The following TMPRSS12 variants were observed in gnomAD, a reference collection of about 807,000 sequenced individuals.
TMPRSS12 encodes the protein transmembrane protease serine 12.
A neutral mutation model predicts 26.0 loss-of-function variants in TMPRSS12; 25 were observed. The observed-to-expected ratio is 0.96, with a 90% CI of 0.70 to 1.34. The LOEUF is 1.34. TMPRSS12 is among the 40% of genes most tolerant of loss of function. TMPRSS12 has a pLI of 0.00. For synonymous variants in TMPRSS12, 150 were observed against 161.7 expected, an observed-to-expected ratio of 0.93 and a Z score of 0.55; for missense variants, 441 against 440.1, an observed-to-expected ratio of 1.00 and a Z score of -0.02.
At position 50,887,359 on chromosome 12, in the gene TMPRSS12, G is replaced by A; in HGVS notation, c.893G>A (p.Gly298Asp). The A allele has an allele frequency of 1.2e-6, 2 of 1,613,908 alleles. No individual in the cohort carries two copies. Among genetic ancestry groups the A allele is most frequent in the Non-Finnish European group, 1.7e-6 (2 of 1,179,864 alleles). Residue 298 changes from glycine to aspartate, a missense_variant, in exon 5 of 5, where the codon GGT becomes GAT. Physicochemically the swap from Gly to Asp is moderately conservative, Grantham distance 94 (BLOSUM62 -1). Transcript: ENST00000398458. ...TSYGHGCGRRGFPGVYIGPSF... is the reference protein window; with the variant it reads ...TSYGHGCGRRDFPGVYIGPSF... Reference sequence around the variant, plus strand: ...TACGGACATGGCTGTGGTCGAAGAGGTTTTCCTGGTGTCTATATTGGGCCA... The same window carrying A: ...TACGGACATGGCTGTGGTCGAAGAGATTTTCCTGGTGTCTATATTGGGCCA...
chr12:50,847,619 G>A (rs1014140023), intron 2 of TMPRSS12, among the ~76,000 whole-genome samples: 2 of 152,056 alleles, frequency 1.3e-5, no homozygotes, highest in Non-Finnish European at 2.9e-5. Flanking sequence ...GAACCTGCTG[G>A]GTGTGGTGGC....
intron 2 of TMPRSS12, among the ~76,000 whole-genome samples, chr12:50,854,753 C>G (rs1002378170): frequency 1.3e-5 from 2 of 152,090 alleles, no homozygotes; most frequent in Non-Finnish European, 2.9e-5. Flanking sequence ...ATACATCTAA[C>G]CAGGGATGTG....
At chr12:50,846,787 C>G (rs1173774706) in intron 2 of TMPRSS12, among the ~76,000 whole-genome samples, 3 of 151,842 alleles carry the variant, frequency 2.0e-5, no homozygotes, top group African/African-American at 7.3e-5. Context: ...ACTATGTTGC[C>G]CAGGCTGGTC....
chr12:50,846,474 C>T (rs1028117042), intron 2 of TMPRSS12, among the ~76,000 whole-genome samples: 1 of 151,976 alleles, frequency 6.6e-6, no homozygotes, highest in Non-Finnish European at 1.5e-5. Context: ...TTTCTGGGCT[C>T]TCAATTCTTC....
At chr12:50,844,194 TTTATTA>T (rs140958977) in intron 2 of TMPRSS12, among the ~76,000 whole-genome samples, 157 bp downstream of exon 2, 4 of 151,514 alleles carry the variant, frequency 2.6e-5, no homozygotes, top group African/African-American at 7.3e-5. Flanking sequence ...GAATCCTTTA[TTTATTA>T]TTATTATTAT....
intron 2 of TMPRSS12, among the ~76,000 whole-genome samples, chr12:50,849,749 A>AT (rs1377525004): frequency 6.6e-6 from 1 of 152,098 alleles, no homozygotes; most frequent in East Asian, 1.9e-4. Flanking sequence ...GACAAAAATA[A>AT]TTTTATTAAG....
intron 3 of TMPRSS12, among the ~76,000 whole-genome samples, chr12:50,865,324 C>T (rs1937981060): frequency 1.3e-5 from 2 of 152,088 alleles, no homozygotes; most frequent in African/African-American, 4.8e-5. Flanking sequence ...GAGAGCAAGA[C>T]TCTGTCTCAA....
intron 2 of TMPRSS12, among the ~76,000 whole-genome samples, chr12:50,857,103 A>AT (rs1937885902): frequency 6.6e-6 from 1 of 152,142 alleles, no homozygotes; most frequent in Non-Finnish European, 1.5e-5. Context: ...AGTTTTCTAG[A>AT]TTTTTCTAGC....
At chr12:50,861,097 G>A (rs1329987972) in intron 3 of TMPRSS12, among the ~76,000 whole-genome samples, 1 of 152,072 alleles carries the variant, frequency 6.6e-6, no homozygotes, top group Non-Finnish European at 1.5e-5. Context: ...TTCCTAAAAG[G>A]GAGTTAATGT....
intron 3 of TMPRSS12, among the ~76,000 whole-genome samples, chr12:50,866,241 G>T (rs1937990010): frequency 6.6e-6 from 1 of 152,168 alleles, no homozygotes; most frequent in Non-Finnish European, 1.5e-5. Context: ...CCTGGGGCAA[G>T]TTCTCAGCCC....
rs1299363709 is a variant in TMPRSS12, at chr12:50,885,271, T to C, written c.678T>C (p.Asp226=). ...EEGNATNILQ[D]AEVHYISREM... is the part of the protein sequence containing the mutation. ...GTAACGCTACAAATATTTTACAAGA[T>C]GCAGAAGTGCATTATATTTCTCGAG... Residue 226 remains aspartate, a synonymous_variant, in exon 4 of 5, where the codon GAT becomes GAC. Coordinates refer to ENST00000398458, the MANE Select transcript of TMPRSS12 (RefSeq NM_182559.3). The C allele has an allele frequency of 1.2e-6, 2 of 1,608,050 alleles. No individual in the cohort carries two copies. Among genetic ancestry groups the C allele is most frequent in the South Asian group, 1.1e-5 (1 of 89,198 alleles).
At chr12:50,868,430 G>A (rs1449542673) in intron 3 of TMPRSS12, among the ~76,000 whole-genome samples, 1 of 152,146 alleles carries the variant, frequency 6.6e-6, no homozygotes, top group Non-Finnish European at 1.5e-5. Flanking sequence ...AAAAGGCCTT[G>A]TCCAACAGGA....
chr12:50,852,602 G>T (rs1484394249), intron 2 of TMPRSS12, among the ~76,000 whole-genome samples: 1 of 152,014 alleles, frequency 6.6e-6, no homozygotes, highest in Non-Finnish European at 1.5e-5. Context: ...GTAGAGACGG[G>T]GTTTCACCAT....
At chr12:50,876,748 G>A (rs1938116964) in intron 3 of TMPRSS12, among the ~76,000 whole-genome samples, 1 of 143,562 alleles carries the variant, frequency 7.0e-6, no homozygotes, top group South Asian at 2.3e-4. Context: ...AGCTTCCAAG[G>A]AGCAGAGATC....
chr12:50,854,991 G>A (rs1303715635), intron 2 of TMPRSS12, among the ~76,000 whole-genome samples: 1 of 152,064 alleles, frequency 6.6e-6, no homozygotes, highest in African/African-American at 2.4e-5. Flanking sequence ...CCAAAAGAGA[G>A]CCCAAATAGC....
At chr12:50,874,681 A>AG (rs1391293631) in intron 3 of TMPRSS12, among the ~76,000 whole-genome samples, 2 of 152,190 alleles carry the variant, frequency 1.3e-5, no homozygotes, top group Admixed American at 6.5e-5. Flanking sequence ...ACTCCACCAA[A>AG]GGCTCCTGGA....
intron 2 of TMPRSS12, among the ~76,000 whole-genome samples, chr12:50,846,320 G>C (rs1186151477): frequency 1.3e-5 from 2 of 152,056 alleles, no homozygotes; most frequent in African/African-American, 2.4e-5. Context: ...TTTTGCATAA[G>C]GTATCAGGTA....
rs1238580117 is a variant in TMPRSS12, at chr12:50,872,897, A to G, written c.653-12349A>G. Among the ~76,000 whole-genome samples the G allele has an allele frequency of 4.4e-5, 5 of 113,606 alleles. 1 individual carries two copies. Among genetic ancestry groups the G allele is most frequent in the South Asian group, 5.9e-4 (2 of 3,412 alleles). 74.5% of individuals were successfully genotyped at this position (113,606 alleles called of 152,430 possible). A position where few individuals can be genotyped will look rare whatever the true frequency, so the allele number is the denominator to read the frequency against. ...GTACATATATATGACGTATATATGT[A>G]CATATATATGACTATATATGTACAT... On this transcript the variant is annotated intron_variant, in intron 3 of 4. Transcript: ENST00000398458.
At chr12:50,871,850 A>G (rs1269942781) in intron 3 of TMPRSS12, among the ~76,000 whole-genome samples, 1 of 152,164 alleles carries the variant, frequency 6.6e-6, no homozygotes, top group African/African-American at 2.4e-5. Flanking sequence ...CAACATCACT[A>G]ATGATCAGGG....
Sources: allele counts gnomAD v4.1 joint callset (sites outside exome capture counted in the v4.1 genomes callset), GRCh38; gene constraint gnomAD v4.1.1; transcripts MANE v1.5; gene names NCBI Gene and HGNC (gene_info 2026-07-23, HGNC 2026-07-21).